TRPS1: variants seen among roughly 807,000 people sequenced by gnomAD.
TRPS1 encodes the protein transcriptional repressor GATA binding 1, also known as zinc finger transcription factor Trps1.
In TRPS1, 6 loss-of-function variants were observed where a neutral mutation model predicts 101.2. The ratio of observed to expected loss-of-function variants is 0.06; its 90% CI spans 0.03 to 0.12. TRPS1 has a LOEUF of 0.12. TRPS1 is among the 10% of genes least tolerant of loss of function. The pLI, the probability that TRPS1 is intolerant of heterozygous loss-of-function variation, is 1.00. For synonymous variants in TRPS1, 578 were observed against 589.8 expected, an observed-to-expected ratio of 0.98 and a Z score of 0.29; for missense variants, 1,363 against 1,567.0, an observed-to-expected ratio of 0.87 and a Z score of 2.20.
At chr8:115,517,962 C>T (rs943544062) in intron 5 of TRPS1, among the ~76,000 whole-genome samples, 10 of 25,454 alleles carry the variant, frequency 3.9e-4, no homozygotes, top group South Asian at 2.2e-3. Context: ...CATACTAAAA[C>T]TGGATCCAGT....
At chr8:115,570,754 G>A (rs2130394641) in intron 5 of TRPS1, among the ~76,000 whole-genome samples, 1 of 150,786 alleles carries the variant, frequency 6.6e-6, no homozygotes, top group African/African-American at 2.4e-5. Flanking sequence ...TCAAGCCCAG[G>A]GAGTATCACA....
chr8:115,607,872 T>C (rs1332329794), intron 3 of TRPS1, among the ~76,000 whole-genome samples: 1 of 152,100 alleles, frequency 6.6e-6, no homozygotes, highest in African/African-American at 2.4e-5. Flanking sequence ...TAAATGCCAT[T>C]CTACAATAAA....
At chr8:115,644,511 T>C (rs899380997) in intron 1 of TRPS1, among the ~76,000 whole-genome samples, 5 of 152,246 alleles carry the variant, frequency 3.3e-5, no homozygotes, top group Non-Finnish European at 7.3e-5. Flanking sequence ...TGAGGGAATG[T>C]CGTGGCTGGC....
At chr8:115,607,628 T>C (rs1325611436) in intron 3 of TRPS1, among the ~76,000 whole-genome samples, 3 of 151,886 alleles carry the variant, frequency 2.0e-5, no homozygotes, top group Non-Finnish European at 4.4e-5. Context: ...GTCACATATT[T>C]GCGTTTTTGG....
chr8:115,587,241 G>C lies in TRPS1; in HGVS notation c.2460C>G (p.Thr820=). Residue 820 remains threonine, a synonymous_variant, in exon 5 of 7, where the codon ACC becomes ACG. Transcript: ENST00000395715. ...ADILRGSPSY[T]QASLGLLTPV... is the part of the protein sequence containing the mutation. ...GCGTCAGCAGCCCCAGGCTTGCTTG[G>C]GTGTATGACGGACTCCCCCGCAGGA... 1 of 1,614,186 alleles carries C rather than the reference G, an allele frequency of 6.2e-7. No homozygotes were observed. The highest frequency in any genetic ancestry group is 8.5e-7 in the Non-Finnish European group (1 of 1,180,026).
At chr8:115,422,755 T>C (rs563982521) in intron 5 of TRPS1, among the ~76,000 whole-genome samples, 55 of 152,300 alleles carry the variant, frequency 3.6e-4, no homozygotes, top group African/African-American at 1.3e-3. Context: ...CAGTCACAAA[T>C]TGCTGATGGT....
chr8:115,622,526 T>C (rs1303366080), intron 2 of TRPS1, among the ~76,000 whole-genome samples: 2 of 152,314 alleles, frequency 1.3e-5, no homozygotes, highest in East Asian at 1.9e-4. Context: ...TTGTGAAGGT[T>C]TGATACAACT....
At chr8:115,415,904 A>C (rs997008900) in intron 6 of TRPS1, among the ~76,000 whole-genome samples, 1 of 152,204 alleles carries the variant, frequency 6.6e-6, no homozygotes, top group African/African-American at 2.4e-5. Flanking sequence ...TGGATATAAA[A>C]TATTAATATC....
intron 5 of TRPS1, among the ~76,000 whole-genome samples, chr8:115,529,190 A>ATACAGCTGGAGATTTTTTT (rs1488899733): frequency 6.6e-6 from 1 of 152,078 alleles, no homozygotes. Context: ...AAGGAATAAA[A>ATACAGCTGGAGATTTTTTT]TACAGCTGGA....
intron 5 of TRPS1, among the ~76,000 whole-genome samples, chr8:115,524,940 A>G (rs1294070331): frequency 6.6e-6 from 1 of 152,152 alleles, no homozygotes; most frequent in African/African-American, 2.4e-5. Flanking sequence ...AACTTTTACA[A>G]AGATTTTAGT....
rs929879785 is a variant in TRPS1 at position 115,411,695 on chromosome 8, A to T, written c.*2328T>A. On this transcript the variant is annotated 3_prime_UTR_variant, in exon 7 of 7. Transcript: ENST00000395715. ...CTTCTTTATTTCAGTTTATGTGAAT[A>T]TTAGAGCTACGCGACAGGTGAGATC... The T allele has an allele frequency of 2.6e-5, 4 of 152,462 alleles. No individual in the cohort carries two copies. Among genetic ancestry groups the T allele is most frequent in the Non-Finnish European group, 5.9e-5 (4 of 67,986 alleles). The allele number at this position is 152,462 out of a possible 1,614,324, so 9.4% of individuals were successfully genotyped here. A position where few individuals can be genotyped will look rare whatever the true frequency, so the allele number is the denominator to read the frequency against.
intron 1 of TRPS1, among the ~76,000 whole-genome samples, chr8:115,636,093 C>CTT (rs138983405): frequency 1.3e-5 from 2 of 151,456 alleles, no homozygotes; most frequent in African/African-American, 2.4e-5. Context: ...GCCAATCGTC[C>CTT]TTTTTTTATC....
At chr8:115,463,234 C>G (rs970222974) in intron 5 of TRPS1, among the ~76,000 whole-genome samples, 2 of 152,112 alleles carry the variant, frequency 1.3e-5, no homozygotes, top group African/African-American at 4.8e-5. Flanking sequence ...TAGGTGGAAA[C>G]TTATTCCGTG....
chr8:115,663,544 A>T (rs2130634191), intron 1 of TRPS1, among the ~76,000 whole-genome samples: 1 of 152,068 alleles, frequency 6.6e-6, no homozygotes. Context: ...TTTTAGTGAA[A>T]CACACTTAAG....
intron 5 of TRPS1, among the ~76,000 whole-genome samples, chr8:115,558,511 A>G (rs1236104908): frequency 6.6e-6 from 1 of 152,196 alleles, no homozygotes; most frequent in Admixed American, 6.6e-5. Context: ...GGCACAACTA[A>G]TCTTGCTTCT....
At chr8:115,462,186 T>C (rs1444497922) in intron 5 of TRPS1, among the ~76,000 whole-genome samples, 1 of 152,212 alleles carries the variant, frequency 6.6e-6, no homozygotes, top group African/African-American at 2.4e-5. Flanking sequence ...CAACTGGCTC[T>C]CAAGGAACAA....
chr8:115,452,130 T>C (rs1388029684), intron 5 of TRPS1, among the ~76,000 whole-genome samples: 4 of 152,194 alleles, frequency 2.6e-5, no homozygotes, highest in Admixed American at 6.5e-5. Flanking sequence ...GCATATCAAA[T>C]TAAACCCAAT....
intron 5 of TRPS1, among the ~76,000 whole-genome samples, chr8:115,567,513 T>C (rs1419130293): frequency 6.6e-6 from 1 of 152,090 alleles, no homozygotes; most frequent in African/African-American, 2.4e-5. Flanking sequence ...TACCTCTCTA[T>C]ACCAATACCA....
At chr8:115,447,675 T>G (rs952666804) in intron 5 of TRPS1, among the ~76,000 whole-genome samples, 4 of 151,584 alleles carry the variant, frequency 2.6e-5, no homozygotes, top group African/African-American at 9.7e-5. Context: ...TGTCATATTT[T>G]TATATATATA....
Sources: allele counts gnomAD v4.1 joint callset (sites outside exome capture counted in the v4.1 genomes callset), GRCh38; gene constraint gnomAD v4.1.1; transcripts MANE v1.5; gene names NCBI Gene and HGNC (gene_info 2026-07-23, HGNC 2026-07-21).